UACA: variants seen among roughly 807,000 people sequenced by gnomAD.
UACA encodes the protein uveal autoantigen with coiled-coil domains and ankyrin repeats, also known as nuclear membrane binding protein.
In UACA, 112 loss-of-function variants were observed where a neutral mutation model predicts 160.5. The observed-to-expected ratio is 0.70, with a 90% CI of 0.60 to 0.82. The LOEUF is 0.82. Among genes scored for constraint, UACA ranks in the 40% least tolerant of loss-of-function variants. The pLI is 0.00. For synonymous variants in UACA, 557 were observed against 568.4 expected, an observed-to-expected ratio of 0.98 and a Z score of 0.29; for missense variants, 1,574 against 1,614.6, an observed-to-expected ratio of 0.97 and a Z score of 0.43.
chr15:70,711,808 T>C (rs533916320), intron 1 of UACA, among the ~76,000 whole-genome samples: 1 of 152,208 alleles, frequency 6.6e-6, no homozygotes, highest in Non-Finnish European at 1.5e-5. Context: ...TGTGAAATAC[T>C]GAAATAGTTC....
At chr15:70,706,519 TAAAAAA>T (rs34478198) in intron 1 of UACA, among the ~76,000 whole-genome samples, 143 of 121,350 alleles carry the variant, frequency 1.2e-3, no homozygotes, top group Non-Finnish European at 2.1e-3. Flanking sequence ...TCTTATTTGT[TAAAAAA>T]AAAAAAAAAA....
At chr15:70,709,640 TAA>T (rs1223401722) in intron 1 of UACA, among the ~76,000 whole-genome samples, 2 of 152,158 alleles carry the variant, frequency 1.3e-5, no homozygotes, top group African/African-American at 4.8e-5. Context: ...TCTTTTCTGT[TAA>T]AAAGTCTGAA....
intron 8 of UACA, among the ~76,000 whole-genome samples, chr15:70,683,148 G>A (rs1012331499): frequency 2.9e-4 from 44 of 151,956 alleles, no homozygotes; most frequent in African/African-American, 9.9e-4. Flanking sequence ...TTGAGGCTAG[G>A]AGTTCAAGAC....
At position 70,682,800 on chromosome 15, in the gene UACA, G is replaced by C; in HGVS notation, c.785-5C>G. The C allele has an allele frequency of 6.4e-7, 1 of 1,556,476 alleles. No individual in the cohort carries two copies. Among genetic ancestry groups the C allele is most frequent in the Non-Finnish European group, 8.7e-7 (1 of 1,154,036 alleles). On this transcript the variant is annotated splice_region_variant and splice_polypyrimidine_tract_variant and intron_variant, in intron 8 of 18. Transcript: ENST00000322954. ...CTTTCTTCCAAAGTTCTCTCCCTAAGATTTAGAGAAAAAGAGAAACAACAA... is the reference window on the plus strand; with the variant it reads ...CTTTCTTCCAAAGTTCTCTCCCTAACATTTAGAGAAAAAGAGAAACAACAA...
intron 1 of UACA, among the ~76,000 whole-genome samples, chr15:70,715,025 GGAT>G (rs1353889003): frequency 3.9e-5 from 6 of 152,042 alleles, no homozygotes; most frequent in Non-Finnish European, 8.8e-5. Context: ...CTTTCAGGCT[GGAT>G]AAGATTTTGT....
At chr15:70,746,573 G>A (rs993742772) in intron 1 of UACA, among the ~76,000 whole-genome samples, 3 of 152,160 alleles carry the variant, frequency 2.0e-5, no homozygotes, top group Non-Finnish European at 4.4e-5. Flanking sequence ...AAGACAGTGT[G>A]GCAATTCCTC....
intron 1 of UACA, among the ~76,000 whole-genome samples, chr15:70,735,390 T>C (rs1465718331): frequency 5.3e-5 from 8 of 151,738 alleles, no homozygotes; most frequent in Non-Finnish European, 1.2e-4. Flanking sequence ...CCATTCTAAA[T>C]CTAAATCCAT....
chr15:70,702,155 C>A, intron 1 of UACA: 1 of 1,280,164 alleles, frequency 7.8e-7, no homozygotes, highest in South Asian at 2.4e-5. Context: ...TAAGAGCAGC[C>A]CCAAGTCAGG....
In UACA at chr15:70,667,882, C is replaced by T. The variant is rs756032048; in HGVS notation, c.2802G>A (p.Ser934=). The T allele has an allele frequency of 1.2e-6, 2 of 1,614,022 alleles. No homozygotes were observed. Among genetic ancestry groups the T allele is most frequent in the Non-Finnish European group, 1.7e-6 (2 of 1,179,984 alleles). ...SLAEHEAKMS[S]LSQSMRKVQD... ...GCACCTTTCTCATGCTCTGACTTAG[C>T]GAGCTCATCTTTGCCTCGTGCTCTG... Residue 934 remains serine (S), a synonymous_variant, in exon 16 of 19, where the codon TCG becomes TCA. Transcript: ENST00000322954.
At chr15:70,778,774 A>G in the UACA span, 1 of 152,362 alleles carries the variant, frequency 6.6e-6, no homozygotes, top group East Asian at 1.9e-4. Flanking sequence ...AATGTCTGGA[A>G]TACAAACCTT....
intron 1 of UACA, among the ~76,000 whole-genome samples, chr15:70,739,184 G>C (rs965492928): frequency 6.6e-6 from 1 of 152,150 alleles, no homozygotes; most frequent in Non-Finnish European, 1.5e-5. Flanking sequence ...TCTAAGATGG[G>C]AGAAAATGAA....
Position 70,695,028 on chromosome 15 carries a change from C to G in UACA, c.290G>C (p.Ser97Thr). The G allele has an allele frequency of 2.5e-6, 4 of 1,608,662 alleles. No individual in the cohort carries two copies. The highest frequency in any genetic ancestry group is 3.4e-6 in the Non-Finnish European group (4 of 1,176,848). ...ILIHGVDITT[S>T]DTAGRNALHL... ...GGAGGCAAACATACCTGCAGTGTCA[C>G]TGGTTGTAATATCAACTCCATGTAT... The change falls in exon 3 of 19, where the codon AGT becomes ACT. Residue 97 changes from serine (S) to threonine (T), a missense_variant. By Grantham distance (58) the Ser-to-Thr change is moderately conservative (BLOSUM62 1). Transcript: ENST00000322954.
At position 70,667,578 on chromosome 15, in the gene UACA, CCTT is replaced by C. The variant is rs756877452; in HGVS notation, c.3103_3105del (p.Lys1035del). 26 of 1,612,964 alleles carry C rather than the reference CCTT, an allele frequency of 1.6e-5. No individual in the cohort carries two copies. The African/African-American group carries it at 3.1e-4, about 19-fold the overall frequency. On this transcript the variant is annotated inframe_deletion, in exon 16 of 19. Coordinates refer to ENST00000322954, the MANE Select transcript of UACA (RefSeq NM_018003.4). ...AAATCTTTCTGAAGGGTAAAAATCTCCTTCTTTAACTTGTCATTCTCTTGCTTG... is the reference window on the plus strand; with the variant it reads ...AAATCTTTCTGAAGGGTAAAAATCTCCTTTAACTTGTCATTCTCTTGCTTG...
intron 1 of UACA, among the ~76,000 whole-genome samples, chr15:70,714,437 T>C (rs1898769717): frequency 1.3e-5 from 2 of 152,194 alleles, no homozygotes; most frequent in Admixed American, 1.3e-4. Flanking sequence ...CCTCATTCAC[T>C]TCTGTTATCC....
At chr15:70,701,877 T>G (rs1389728917) in intron 1 of UACA, 1 of 1,611,726 alleles carries the variant, frequency 6.2e-7, no homozygotes, top group East Asian at 2.2e-5. Context: ...GGATACCTAC[T>G]CTGTTCTTAG....
chr15:70,691,866 T>C (rs556976387), intron 3 of UACA, among the ~76,000 whole-genome samples: 14 of 152,214 alleles, frequency 9.2e-5, no homozygotes, highest in Non-Finnish European at 1.9e-4. Context: ...AAGTTTATTA[T>C]GTAATTCTAT....
chr15:70,659,391 G>GTTTTTTTTTTTTTTTTTTTTTTTT (rs1375150038), intron 18 of UACA, among the ~76,000 whole-genome samples: 2 of 9,958 alleles, frequency 2.0e-4, no homozygotes, highest in African/African-American at 3.2e-4. Flanking sequence ...TTCATTTTTT[G>GTTTTTTTTTTTTTTTTTTTTTTTT]TTTGTTTTTT....
At chr15:70,747,820 T>A (rs1049776690) in intron 1 of UACA, among the ~76,000 whole-genome samples, 14 of 152,264 alleles carry the variant, frequency 9.2e-5, no homozygotes, top group Admixed American at 2.0e-4. Context: ...TGACATTTTT[T>A]AAATTGCATC....
chr15:70,749,516 C>T (rs1365994122), intron 1 of UACA, among the ~76,000 whole-genome samples: 10 of 145,674 alleles, frequency 6.9e-5, no homozygotes, highest in African/African-American at 2.7e-4. Context: ...ATAAGCAAGA[C>T]TCCGTCTCAA....
Sources: gnomAD v4.1 joint callset for allele counts (sites outside exome capture counted in the v4.1 genomes callset) on GRCh38, gnomAD v4.1.1 for gene constraint, MANE v1.5 for transcripts, NCBI Gene and HGNC (gene_info 2026-07-23, HGNC 2026-07-21) for gene names.